Variants in CDKL5 observed in about 807,000 individuals in gnomAD.
CDKL5 encodes the protein cyclin dependent kinase like 5, also known as cyclin-dependent kinase-like 5.
In CDKL5, 8 loss-of-function variants were observed where a neutral mutation model predicts 61.7. The ratio of observed to expected loss-of-function variants is 0.13; its 90% CI spans 0.08 to 0.23. The LOEUF (loss-of-function observed/expected upper bound fraction) is 0.23, where lower values mean the gene tolerates loss of function less well. Among genes scored for constraint, CDKL5 ranks in the 10% least tolerant of loss-of-function variants. The probability of loss-of-function intolerance (pLI) is 1.00; values close to 1 mark genes in which losing one functional copy is unlikely to be tolerated. For missense variants in CDKL5, 440 were observed against 734.5 expected (o/e 0.60, Z 4.63); for synonymous variants, 275 against 272.3 (o/e 1.01, Z -0.10).
At chrX:18,587,919 C>T in intron 8 of CDKL5, 35 bp from the exon 9 acceptor site, 1 of 1,154,190 alleles carries the variant, frequency 8.7e-7, no homozygotes, top group Non-Finnish European at 1.2e-6. Flanking sequence ...TATATTTTTT[C>T]AGTTGCCAAA....
intron 6 of CDKL5, among the ~76,000 whole-genome samples, chrX:18,581,009 T>G (rs908070981): frequency 2.7e-5 from 3 of 111,680 alleles, no homozygotes; most frequent in Non-Finnish European, 5.7e-5. Context: ...ATGATTCTAG[T>G]AACAGTCTAT....
intron 3 of CDKL5, among the ~76,000 whole-genome samples, chrX:18,514,279 T>C (rs959034810): frequency 1.8e-5 from 2 of 111,484 alleles, no homozygotes; most frequent in African/African-American, 6.5e-5. Flanking sequence ...TTTTGACAGC[T>C]GAACAAAATT....
chrX:18,436,990 G>T (rs1463087696), intron 1 of CDKL5, among the ~76,000 whole-genome samples: 4 of 109,496 alleles, frequency 3.7e-5, no homozygotes, highest in Non-Finnish European at 7.6e-5. Flanking sequence ...TTGGCAGCAG[G>T]GGCCAGGTCT....
rs147786937 is a variant in CDKL5 at position 18,547,696 on chromosome X, A to G, written c.100-16781A>G. ...GTGGTGTACATTGGTCATCAGGCCA[A>G]TATGATGGTGATAAACAGTTCCTCT... On this transcript the variant is annotated intron_variant, in intron 3 of 17. Transcript: ENST00000623535. Among the ~76,000 whole-genome samples, 18 of 111,873 alleles carry G rather than the reference A, an allele frequency of 1.6e-4. No homozygotes were observed. In the East Asian group the frequency reaches 5.0e-3, roughly 31 times the overall value.
chrX:18,633,249 C>A lies in CDKL5; in HGVS notation c.*4492C>A. 2 of 754,071 alleles carry A rather than the reference C, an allele frequency of 2.7e-6. No homozygotes were observed. The highest frequency in any genetic ancestry group is 3.1e-6 in the Non-Finnish European group (2 of 639,142). The allele number at this position is 754,071 out of a possible 1,213,427, so 62.1% of individuals were successfully genotyped here. A position where few individuals can be genotyped will look rare whatever the true frequency, so the allele number is the denominator to read the frequency against. ...TGGAATGTGGTAGGGTACACTGAAC[C>A]AAGTCAGAAAATAGTGAAATATTTC... On this transcript the variant is annotated 3_prime_UTR_variant, in exon 18 of 18. Coordinates refer to ENST00000623535, the MANE Select transcript of CDKL5 (RefSeq NM_001323289.2).
intron 1 of CDKL5, among the ~76,000 whole-genome samples, chrX:18,439,378 G>C (rs1170474220): frequency 9.2e-6 from 1 of 108,687 alleles, no homozygotes; most frequent in Non-Finnish European, 1.9e-5. Flanking sequence ...GAAATGCTGA[G>C]TTCTATTCCA....
In CDKL5 at chrX:18,631,800, T is replaced by C. The variant is rs753537124; in HGVS notation, c.*3043T>C. The C allele has an allele frequency of 1.7e-4, 130 of 752,261 alleles. No individual in the cohort carries two copies. Among genetic ancestry groups the C allele is most frequent in the Non-Finnish European group, 2.0e-4 (127 of 638,691 alleles). 62.0% of individuals were successfully genotyped at this position (752,261 alleles called of 1,213,427 possible). On this transcript the variant is annotated 3_prime_UTR_variant, in exon 18 of 18. Transcript: ENST00000623535. ...TTTAACTGAACCTTGTTGGTCTTGC[T>C]CTAAAATTTAGCCTCTTTCTAGAGC... is the stretch of plus-strand genomic sequence containing the variant.
downstream of CDKL5, chrX:18,644,439 T>G (rs1218580579): frequency 2.5e-6 from 3 of 1,209,273 alleles, no homozygotes; most frequent in African/African-American, 1.8e-5. Flanking sequence ...CCCGGTTGTT[T>G]CCAGTCTGGT....
At chrX:18,642,115 G>A, downstream of CDKL5, 1 of 1,211,825 alleles carries the variant, frequency 8.3e-7, no homozygotes, top group East Asian at 3.0e-5. Context: ...GCCGCAGCAG[G>A]TTCTGAACCG....
intron 1 of CDKL5, among the ~76,000 whole-genome samples, chrX:18,504,190 T>C (rs770892259): frequency 9.1e-6 from 1 of 110,406 alleles, no homozygotes; most frequent in Non-Finnish European, 1.9e-5. Context: ...ACTGCAGCTT[T>C]GACCTCCTGG....
At chrX:18,494,911 G>C (rs1361662987) in intron 1 of CDKL5, among the ~76,000 whole-genome samples, 1 of 112,131 alleles carries the variant, frequency 8.9e-6, no homozygotes, top group African/African-American at 3.2e-5. Context: ...TTATGGGTCA[G>C]ATGGTCCCAT....
intron 1 of CDKL5, among the ~76,000 whole-genome samples, chrX:18,439,052 C>G (rs745764172): frequency 1.7e-4 from 12 of 70,605 alleles, no homozygotes; most frequent in African/African-American, 5.2e-4. Context: ...TTTGCCCCCC[C>G]CCCCGCCCCC....
At chrX:18,464,848 G>C (rs1209079612) in intron 1 of CDKL5, among the ~76,000 whole-genome samples, 1 of 111,804 alleles carries the variant, frequency 8.9e-6, no homozygotes, top group African/African-American at 3.3e-5. Context: ...TTGTTATCAT[G>C]TGTTGGCCAT....
intron 1 of CDKL5, among the ~76,000 whole-genome samples, chrX:18,459,698 CTTTTTTTTTTTTTTT>C (rs756249968): frequency 4.1e-4 from 22 of 53,574 alleles, no homozygotes; most frequent in Non-Finnish European, 7.0e-4. Flanking sequence ...AGCTTTCTTT[CTTTTTTTTTTTTTTT>C]TTTTTTTTTT....
intron 21 of CDKL5, among the ~76,000 whole-genome samples, chrX:18,653,262 C>T (rs767272793): frequency 1.4e-4 from 16 of 111,708 alleles, no homozygotes; most frequent in South Asian, 3.8e-4. Context: ...CTTGGCTCAA[C>T]GGTGGAAGAG....
intron 1 of CDKL5, among the ~76,000 whole-genome samples, chrX:18,490,356 A>C (rs1921950221): frequency 9.0e-6 from 1 of 111,074 alleles, no homozygotes; most frequent in Non-Finnish European, 1.9e-5. Context: ...AAGTGAGGGC[A>C]GTTTTGTGAG....
rs200439467 is a variant in CDKL5 at position 18,507,446 on chromosome X, C to CT, written c.64+305dup. Reference sequence around the variant, plus strand: ...TGTTACAACAGTCTTTGCCTTCATTCTTTTTTTTTTTTTTTTTTTAGCAAT... The same window carrying CT: ...TGTTACAACAGTCTTTGCCTTCATTCTTTTTTTTTTTTTTTTTTTTAGCAAT... On this transcript the variant is annotated intron_variant, in intron 2 of 17. Coordinates refer to ENST00000623535, the MANE Select transcript of CDKL5 (RefSeq NM_001323289.2). 0.052 allele frequency among the ~76,000 whole-genome samples: 3,764 copies of CT among 72,330 alleles called. 99 individuals are homozygous for CT. Among genetic ancestry groups the CT allele is most frequent in the Non-Finnish European group, 0.061 (2,249 of 36,913 alleles). 62.8% of individuals were successfully genotyped at this position (72,330 alleles called of 115,157 possible).
intron 2 of CDKL5, among the ~76,000 whole-genome samples, chrX:18,510,152 G>T (rs1922774693): frequency 9.2e-6 from 1 of 109,248 alleles, no homozygotes; most frequent in Non-Finnish European, 1.9e-5. Context: ...AGGTTTTTTT[G>T]TTTGTTTGTT....
chrX:18,624,731 A>T (rs1926984068), intron 16 of CDKL5, among the ~76,000 whole-genome samples: 1 of 112,203 alleles, frequency 8.9e-6, no homozygotes, highest in Non-Finnish European at 1.9e-5. Flanking sequence ...TTTTCCCAGC[A>T]GGAAAAAATT....
Sources: allele counts gnomAD v4.1 joint callset (sites outside exome capture counted in the v4.1 genomes callset), GRCh38; gene constraint gnomAD v4.1.1; transcripts MANE v1.5; gene names NCBI Gene and HGNC (gene_info 2026-07-23, HGNC 2026-07-21).